CABCOCO1: variants seen among roughly 807,000 people sequenced by gnomAD.
CABCOCO1 encodes the protein ciliary associated calcium binding coiled-coil 1, also known as ciliary-associated calcium-binding coiled-coil protein 1.
CABCOCO1 carries 28 observed loss-of-function variants against 35.7 expected under a neutral mutation model. The ratio of observed to expected loss-of-function variants is 0.78; its 90% CI spans 0.58 to 1.07. The LOEUF (loss-of-function observed/expected upper bound fraction) is 1.07, where lower values mean the gene tolerates loss of function less well. Among genes scored for constraint, CABCOCO1 ranks in the 50% least tolerant of loss-of-function variants. The pLI is 0.00. For synonymous variants in CABCOCO1, 95 were observed against 100.1 expected, an observed-to-expected ratio of 0.95 and a Z score of 0.30; for missense variants, 326 against 309.2, an observed-to-expected ratio of 1.05 and a Z score of -0.41.
chr10:61,710,607 A>G (rs900948018), intron 5 of CABCOCO1, among the ~76,000 whole-genome samples: 10 of 151,928 alleles, frequency 6.6e-5, no homozygotes, highest in Non-Finnish European at 1.3e-4. Flanking sequence ...CTTGTAAAAA[A>G]CCATGCTCTA....
intron 2 of CABCOCO1, among the ~76,000 whole-genome samples, chr10:61,677,897 G>A (rs559767985): frequency 3.0e-5 from 4 of 135,404 alleles, no homozygotes; most frequent in African/African-American, 5.6e-5. Context: ...GAAGTGTTTC[G>A]TCTGTTTAAC....
chr10:61,671,127 T>A (rs1409677917), intron 1 of CABCOCO1, among the ~76,000 whole-genome samples: 2 of 152,028 alleles, frequency 1.3e-5, no homozygotes, highest in African/African-American at 2.4e-5. Context: ...GAGGTCGAGA[T>A]CATCCTGGCA....
chr10:61,750,318 T>A (rs532516386), intron 5 of CABCOCO1, among the ~76,000 whole-genome samples: 23 of 152,324 alleles, frequency 1.5e-4, no homozygotes, highest in South Asian at 4.1e-4. Context: ...GGCTCATGCC[T>A]GTCATCCCAG....
chr10:61,744,923 T>TA (rs1392066876), intron 5 of CABCOCO1, among the ~76,000 whole-genome samples: 106 of 152,324 alleles, frequency 7.0e-4, no homozygotes, highest in African/African-American at 2.5e-3. Flanking sequence ...ATGTGCGCTA[T>TA]ATTCTGCAGC....
chr10:61,729,005 C>A (rs1841231864), intron 5 of CABCOCO1, among the ~76,000 whole-genome samples: 1 of 152,046 alleles, frequency 6.6e-6, no homozygotes, highest in African/African-American at 2.4e-5. Context: ...AAAAAGTGAG[C>A]TTTGTGACTG....
At chr10:61,730,183 C>A (rs1041897409) in intron 5 of CABCOCO1, among the ~76,000 whole-genome samples, 220 of 137,840 alleles carry the variant, frequency 1.6e-3, no homozygotes, top group African/African-American at 5.4e-3. Flanking sequence ...AAAAAAAAAA[C>A]TAGAGCTTCT....
chr10:61,677,806 T>C (rs974600903), intron 2 of CABCOCO1, among the ~76,000 whole-genome samples: 2 of 139,504 alleles, frequency 1.4e-5, no homozygotes, highest in Admixed American at 8.1e-5. Context: ...TTTGGTTTTT[T>C]GGGTGTTTTT....
At chr10:61,748,713 GC>G (rs1306839121) in intron 5 of CABCOCO1, among the ~76,000 whole-genome samples, 3 of 152,144 alleles carry the variant, frequency 2.0e-5, no homozygotes. Flanking sequence ...CAGTAAGATC[GC>G]ATTCTCTGTT....
At chr10:61,706,198 T>C (rs1230323279) in intron 5 of CABCOCO1, among the ~76,000 whole-genome samples, 1 of 152,234 alleles carries the variant, frequency 6.6e-6, no homozygotes, top group Non-Finnish European at 1.5e-5. Context: ...GTTCTTTTTA[T>C]GTAATAAATA....
chr10:61,737,468 G>A (rs1186723332), intron 5 of CABCOCO1, among the ~76,000 whole-genome samples: 1 of 152,176 alleles, frequency 6.6e-6, no homozygotes. Context: ...ATACCCAGAG[G>A]AATATAAAGC....
intron 2 of CABCOCO1, among the ~76,000 whole-genome samples, chr10:61,676,382 T>C (rs1397478070): frequency 6.6e-6 from 1 of 152,138 alleles, no homozygotes; most frequent in Non-Finnish European, 1.5e-5. Context: ...TTAAATCCAA[T>C]ATGGTAATAA....
chr10:61,686,421 A>G (rs1435936141), intron 4 of CABCOCO1, among the ~76,000 whole-genome samples: 1 of 152,178 alleles, frequency 6.6e-6, no homozygotes, highest in Non-Finnish European at 1.5e-5. Context: ...TTCCCAAAAA[A>G]AAAGGTTTGC....
chr10:61,685,998 T>A (rs761660716), intron 3 of CABCOCO1, 43 bp from the exon 4 acceptor site: 2 of 1,518,322 alleles, frequency 1.3e-6, no homozygotes, highest in Admixed American at 4.3e-5. Flanking sequence ...TCTGAAAACA[T>A]CTATCAAAAT....
At chr10:61,758,978 T>C (rs1841953356) in intron 5 of CABCOCO1, among the ~76,000 whole-genome samples, 1 of 152,108 alleles carries the variant, frequency 6.6e-6, no homozygotes. Context: ...TGTAGAGACA[T>C]TAAAAATGAA....
At chr10:61,669,149 A>AT (rs869082217) in intron 1 of CABCOCO1, among the ~76,000 whole-genome samples, 27 of 151,930 alleles carry the variant, frequency 1.8e-4, no homozygotes, top group African/African-American at 6.5e-4. Flanking sequence ...CTTATTAAAA[A>AT]TTTTTTTTAT....
intron 5 of CABCOCO1, among the ~76,000 whole-genome samples, chr10:61,741,636 A>C (rs1841551359): frequency 6.6e-6 from 1 of 152,200 alleles, no homozygotes; most frequent in South Asian, 2.1e-4. Context: ...CATATCCGTT[A>C]ACCAAGCTAG....
At chr10:61,676,485 T>C (rs987030413) in intron 2 of CABCOCO1, among the ~76,000 whole-genome samples, 2 of 152,010 alleles carry the variant, frequency 1.3e-5, no homozygotes, top group Admixed American at 6.5e-5. Flanking sequence ...CAAAATAAAA[T>C]TGAATTGAAG....
rs571904483 is a variant in CABCOCO1 at position 61,710,968 on chromosome 10, A to C, written c.552+20347A>C. Among the ~76,000 whole-genome samples, 73 of 152,048 alleles carry C rather than the reference A, an allele frequency of 4.8e-4. 2 individuals are homozygous for C. The South Asian group carries it at 0.014, about 29-fold the overall frequency. ...AAACCCCAAATCAATCACCAAAAAC[A>C]AACAAAAACTTATAGCTAAAAATCA... On this transcript the variant is annotated intron_variant, in intron 5 of 7. Coordinates refer to ENST00000648843, the MANE Select transcript of CABCOCO1 (RefSeq NM_001366906.2).
At chr10:61,744,714 A>G (rs1391901575) in intron 5 of CABCOCO1, among the ~76,000 whole-genome samples, 1 of 152,152 alleles carries the variant, frequency 6.6e-6, no homozygotes, top group Non-Finnish European at 1.5e-5. Flanking sequence ...ATTGTCCTCA[A>G]AAGGAGAGAA....
Sources: gnomAD v4.1 joint callset for allele counts (sites outside exome capture counted in the v4.1 genomes callset) on GRCh38, gnomAD v4.1.1 for gene constraint, MANE v1.5 for transcripts, NCBI Gene and HGNC (gene_info 2026-07-23, HGNC 2026-07-21) for gene names.